WASHC4: variants seen among roughly 807,000 people sequenced by gnomAD.
WASHC4 encodes WASH complex subunit 4.
In WASHC4, 86 loss-of-function variants were observed where a neutral mutation model predicts 166.6. That is an observed-to-expected ratio of 0.52 (90% CI 0.43 to 0.62). The LOEUF (loss-of-function observed/expected upper bound fraction) is 0.62. WASHC4 is among the 20% of genes least tolerant of loss of function. The pLI, the probability that WASHC4 is intolerant of heterozygous loss-of-function variation, is 0.00. For missense variants in WASHC4, 1,262 were observed against 1,382.4 expected (o/e 0.91, Z 1.38); for synonymous variants, 446 against 451.6 (o/e 0.99, Z 0.16).
In WASHC4 at chr12:105,126,259, G is replaced by C; in HGVS notation, c.935G>C (p.Arg312Thr). The change falls in exon 12 of 33, where the codon AGA becomes ACA. Residue 312 changes from arginine (R) to threonine (T), a missense_variant. Transcript: ENST00000332180. Reference sequence around the variant, plus strand: ...GGAGAACCTTCTGAAATTGACCAGAGAGACAAGTATGTTGGAATTTGTGGA... The same window carrying C: ...GGAGAACCTTCTGAAATTGACCAGACAGACAAGTATGTTGGAATTTGTGGA... ...KLGEPSEIDQ[R>T]DKYVGICGLF... 6.2e-7 allele frequency: 1 copy of C among 1,612,598 alleles called. No homozygotes were observed. The highest frequency in any genetic ancestry group is 8.5e-7 in the Non-Finnish European group (1 of 1,179,020).
rs1884576583 is a variant in WASHC4, at chr12:105,162,760, T to C, written c.3072T>C (p.Phe1024=). The change falls in exon 30 of 33, where the codon TTT becomes TTC. Residue 1024 remains phenylalanine, a synonymous_variant. Coordinates refer to ENST00000332180, the MANE Select transcript of WASHC4 (RefSeq NM_015275.3). ...YIIVPPLTLN[F]VEHSISCKEK... is the part of the protein sequence containing the mutation. ...TTACATCTTTTTAGACCCTCAACTTTGTAGAGCATTCCATTAGTTGCAAGG... is the reference window on the plus strand; with the variant it reads ...TTACATCTTTTTAGACCCTCAACTTCGTAGAGCATTCCATTAGTTGCAAGG... 3 of 1,577,806 alleles carry C rather than the reference T, an allele frequency of 1.9e-6. No individual in the cohort carries two copies. Among genetic ancestry groups the C allele is most frequent in the Non-Finnish European group, 1.7e-6 (2 of 1,149,700 alleles).
Position 105,119,614 on chromosome 12 carries a change from G to C in WASHC4, c.519-941G>C, listed in dbSNP as rs1287312723. Among the ~76,000 whole-genome samples, 3 of 152,126 alleles carry C rather than the reference G, an allele frequency of 2.0e-5. No homozygotes were observed. In the East Asian group the frequency reaches 5.8e-4, roughly 29 times the overall value. On this transcript the variant is annotated intron_variant, in intron 7 of 32. Transcript: ENST00000332180. ...TTTCACTAAAGCTCTCATGGCAGGA[G>C]AGAATGAGAGTATAGCTTCCATACC...
intron 10 of WASHC4, among the ~76,000 whole-genome samples, chr12:105,123,702 A>G (rs984911129): frequency 1.3e-5 from 2 of 152,236 alleles, no homozygotes; most frequent in Non-Finnish European, 2.9e-5. Context: ...TGTAGAAGCC[A>G]GTAAGTTATC....
chr12:105,144,961 T>A, intron 22 of WASHC4, 89 bp downstream of exon 22: 1 of 1,245,856 alleles, frequency 8.0e-7, no homozygotes, highest in Admixed American at 2.0e-5. Context: ...TTGCTTTAGT[T>A]AGTATGTGCT....
intron 1 of WASHC4, 39 bp downstream of exon 1, chr12:105,107,900 C>T (rs1401258347): frequency 3.4e-6 from 5 of 1,459,514 alleles, no homozygotes; most frequent in Non-Finnish European, 4.7e-6. Context: ...GGTGGACGCT[C>T]CTTCGGCCCG....
At chr12:105,109,918 A>G (rs1189360100) in intron 1 of WASHC4, among the ~76,000 whole-genome samples, 2 of 152,132 alleles carry the variant, frequency 1.3e-5, no homozygotes, top group Non-Finnish European at 2.9e-5. Flanking sequence ...GTCTTTAAGA[A>G]GTCATTTGCT....
intron 10 of WASHC4, among the ~76,000 whole-genome samples, chr12:105,123,689 T>C (rs1285991656): frequency 6.6e-6 from 1 of 152,216 alleles, no homozygotes; most frequent in Non-Finnish European, 1.5e-5. Context: ...CAGCAAGTGC[T>C]CATGTAGAAG....
Position 105,162,766 on chromosome 12 carries a change from G to GTTTTTCTAA in WASHC4, c.3078_3079insTTTTTCTAA (p.Glu1026_His1027insPhePheTer). 1 of 1,585,392 alleles carries GTTTTTCTAA rather than the reference G, an allele frequency of 6.3e-7. No individual in the cohort carries two copies. The highest frequency in any genetic ancestry group is 8.6e-7 in the Non-Finnish European group (1 of 1,156,724). The stretch of plus-strand genomic sequence containing the variant: ...CTTTTTAGACCCTCAACTTTGTAGA[G>GTTTTTCTAA]CATTCCATTAGTTGCAAGGAAAAAT... On this transcript the variant is annotated stop_gained and inframe_insertion, in exon 30 of 33. Transcript: ENST00000332180. LOFTEE classifies it high-confidence loss of function.
chr12:105,125,314 G>A (rs1881181068), intron 10 of WASHC4, among the ~76,000 whole-genome samples: 1 of 152,018 alleles, frequency 6.6e-6, no homozygotes, highest in Admixed American at 6.6e-5. Flanking sequence ...AAATGGCATA[G>A]CCTAGAAATA....
Position 105,114,212 on chromosome 12 carries a change from G to C in WASHC4, c.202-4G>C. ...AGAAATGTTCTTTTCCTTTGTTTCT[G>C]TAGCTTTTGCCTTATGAACAGTCCT... On this transcript the variant is annotated splice_region_variant and splice_polypyrimidine_tract_variant and intron_variant, in intron 2 of 32. Coordinates refer to ENST00000332180, the MANE Select transcript of WASHC4 (RefSeq NM_015275.3). The C allele has an allele frequency of 6.2e-7, 1 of 1,608,228 alleles. No homozygotes were observed. Among genetic ancestry groups the C allele is most frequent in the Non-Finnish European group, 8.5e-7 (1 of 1,176,284 alleles).
intron 25 of WASHC4, among the ~76,000 whole-genome samples, chr12:105,150,783 T>C (rs1472986976): frequency 6.6e-6 from 1 of 152,134 alleles, no homozygotes; most frequent in Non-Finnish European, 1.5e-5. Flanking sequence ...TCTGCATGGC[T>C]GGGGAGGCCT....
chr12:105,143,894 A>T (rs1592895303), intron 20 of WASHC4, among the ~76,000 whole-genome samples: 2 of 151,934 alleles, frequency 1.3e-5, no homozygotes, highest in Non-Finnish European at 2.9e-5. Flanking sequence ...AGTAATTTAG[A>T]ACTCCTTGGT....
In WASHC4 at chr12:105,139,441, A is replaced by G. The variant is rs1321139959; in HGVS notation, c.1453-853A>G. ...TGTGTGTGTGTATATATATATATATATATATATATATATATATGCCTCCCA... is the reference window on the plus strand; with the variant it reads ...TGTGTGTGTGTATATATATATATATGTATATATATATATATATGCCTCCCA... On this transcript the variant is annotated intron_variant, in intron 15 of 32. Transcript: ENST00000332180. 3.4e-3 allele frequency among the ~76,000 whole-genome samples: 474 copies of G among 138,924 alleles called. 28 individuals carry two copies. In the East Asian group the frequency reaches 0.078, roughly 23 times the overall value. The allele number at this position is 138,924 out of a possible 152,430, so 91.1% of individuals were successfully genotyped here. A position where few individuals can be genotyped will look rare whatever the true frequency, so the allele number is the denominator to read the frequency against.
intron 26 of WASHC4, 38 bp from the exon 27 acceptor site, chr12:105,156,682 GAGTTAT>G (rs756297620): frequency 6.9e-7 from 1 of 1,446,358 alleles, no homozygotes; most frequent in South Asian, 1.2e-5. Context: ...TTAGAATTTA[GAGTTAT>G]TTATATAAAT....
chr12:105,147,068 C>T lies in WASHC4; in HGVS notation c.2436C>T (p.Asn812=). Residue 812 remains asparagine (N), a synonymous_variant, in exon 24 of 33, where the codon AAC becomes AAT. Coordinates refer to ENST00000332180, the MANE Select transcript of WASHC4 (RefSeq NM_015275.3). ...NQIFIERTSN[N]KHLNTINIRH... ...TTTTTATTGAACGAACAAGCAATAACAAGCATTTGAATACTATTAATATTC... is the reference window on the plus strand; with the variant it reads ...TTTTTATTGAACGAACAAGCAATAATAAGCATTTGAATACTATTAATATTC... The T allele has an allele frequency of 6.2e-7, 1 of 1,608,752 alleles. No homozygotes were observed. The highest frequency in any genetic ancestry group is 8.5e-7 in the Non-Finnish European group (1 of 1,175,154).
rs765821676 is a variant in WASHC4 at position 105,147,127 on chromosome 12, C to T, written c.2495C>T (p.Thr832Met). The T allele has an allele frequency of 3.1e-6, 5 of 1,601,632 alleles. No individual in the cohort carries two copies. The highest frequency in any genetic ancestry group is 2.2e-5 in the South Asian group (2 of 90,866). The change falls in exon 24 of 33, where the codon ACG becomes ATG. Residue 832 changes from threonine to methionine, a missense_variant. Thr to Met is a moderately conservative substitution (Grantham distance 81). Coordinates refer to ENST00000332180, the MANE Select transcript of WASHC4 (RefSeq NM_015275.3). The stretch of plus-strand genomic sequence containing the variant: ...GCTAATTCAATTCGAACACATGGCA[C>T]GGGAATTATGAATACAACTGTAAGA... ...HIANSIRTHG[T>M]GIMNTTVNFT...
At chr12:105,150,120 A>G (rs112811605) in intron 25 of WASHC4, among the ~76,000 whole-genome samples, 11 of 152,210 alleles carry the variant, frequency 7.2e-5, no homozygotes, top group African/African-American at 2.7e-4. Flanking sequence ...ATGTATATTT[A>G]CACACATATA....
intron 25 of WASHC4, among the ~76,000 whole-genome samples, chr12:105,150,591 G>A (rs528790640): frequency 1.3e-5 from 2 of 152,142 alleles, no homozygotes; most frequent in East Asian, 1.9e-4. Flanking sequence ...TGAGACCAGC[G>A]TGGGCAACAT....
At chr12:105,119,640 C>T (rs777664354) in intron 7 of WASHC4, among the ~76,000 whole-genome samples, 3 of 152,144 alleles carry the variant, frequency 2.0e-5, no homozygotes, top group Admixed American at 1.3e-4. Context: ...CTTCCATACC[C>T]GCTGCAGTAC....
Sources: allele counts gnomAD v4.1 joint callset (sites outside exome capture counted in the v4.1 genomes callset), GRCh38; gene constraint gnomAD v4.1.1; transcripts MANE v1.5; gene names NCBI Gene and HGNC (gene_info 2026-07-23, HGNC 2026-07-21).